NECAB1: variants seen among roughly 807,000 people sequenced by gnomAD.
The protein encoded by NECAB1 is N-terminal EF-hand calcium-binding protein 1.
Under a neutral mutation model 57.5 loss-of-function variants are expected in NECAB1, and 29 were observed. The ratio of observed to expected loss-of-function variants is 0.50; its 90% CI spans 0.38 to 0.69. The LOEUF (loss-of-function observed/expected upper bound fraction) is 0.69, where lower values mean the gene tolerates loss of function less well. Ranked by LOEUF, NECAB1 falls within the 30% of genes least tolerant of loss-of-function variation. The probability of loss-of-function intolerance (pLI) is 0.00; values close to 1 mark genes in which losing one functional copy is unlikely to be tolerated. For synonymous variants in NECAB1, 142 were observed against 147.7 expected (o/e 0.96, Z 0.28); for missense variants, 372 against 413.8 (o/e 0.90, Z 0.88).
At chr8:90,904,847 C>T (rs997429210) in intron 5 of NECAB1, among the ~76,000 whole-genome samples, 1 of 152,044 alleles carries the variant, frequency 6.6e-6, no homozygotes, top group Non-Finnish European at 1.5e-5. Flanking sequence ...AAATACTGGA[C>T]TGTTCAATAA....
At chr8:90,851,661 A>G (rs1332632578) in intron 3 of NECAB1, among the ~76,000 whole-genome samples, 1 of 152,144 alleles carries the variant, frequency 6.6e-6, no homozygotes, top group African/African-American at 2.4e-5. Context: ...AATGGAGTGA[A>G]AGATACAGAG....
intron 3 of NECAB1, among the ~76,000 whole-genome samples, chr8:90,828,463 A>C (rs987245007): frequency 5.3e-5 from 8 of 152,030 alleles, no homozygotes; most frequent in African/African-American, 1.9e-4. Context: ...TGCTCAGTAT[A>C]ATCTCACTCT....
At chr8:90,924,810 T>C (rs190455682) in intron 6 of NECAB1, among the ~76,000 whole-genome samples, 211 of 152,260 alleles carry the variant, frequency 1.4e-3, no homozygotes, top group Non-Finnish European at 2.2e-3. Context: ...TTGTATATCA[T>C]TGGCCTGAGC....
Position 90,866,902 on chromosome 8 carries a change from G to A in NECAB1, c.234-5226G>A, listed in dbSNP as rs112061642. Among the ~76,000 whole-genome samples, 453 of 152,268 alleles carry A rather than the reference G, an allele frequency of 3.0e-3. 3 individuals are homozygous for A. The highest frequency in any genetic ancestry group is 0.014 in the Middle Eastern group (4 of 294). Reference sequence around the variant, plus strand: ...TTTGACCCAGCAATCTGATTACTGGGTATATACCGAAAGGATTGTAAATCA... The same window carrying A: ...TTTGACCCAGCAATCTGATTACTGGATATATACCGAAAGGATTGTAAATCA... On this transcript the variant is annotated intron_variant, in intron 3 of 12. Coordinates refer to ENST00000417640, the MANE Select transcript of NECAB1 (RefSeq NM_022351.5).
chr8:90,885,767 T>C (rs556164147), intron 5 of NECAB1, among the ~76,000 whole-genome samples: 18 of 152,336 alleles, frequency 1.2e-4, no homozygotes, highest in African/African-American at 4.1e-4. Flanking sequence ...GGTTCTATCA[T>C]GACACAAAAC....
intron 2 of NECAB1, among the ~76,000 whole-genome samples, chr8:90,815,192 T>C (rs1812037998): frequency 6.6e-6 from 1 of 152,074 alleles, no homozygotes; most frequent in Non-Finnish European, 1.5e-5. Context: ...TCATAGCCTA[T>C]GGAAAAAAAC....
chr8:90,795,310 C>G (rs1563489212), intron 1 of NECAB1, among the ~76,000 whole-genome samples: 1 of 152,280 alleles, frequency 6.6e-6, no homozygotes, highest in East Asian at 1.9e-4. Context: ...CTTCATCCAC[C>G]CAATGCCACT....
At chr8:90,830,742 C>CT (rs570010599) in intron 3 of NECAB1, among the ~76,000 whole-genome samples, 381 of 152,090 alleles carry the variant, frequency 2.5e-3, no homozygotes, top group African/African-American at 8.7e-3. Flanking sequence ...CAGATGTATG[C>CT]TTTTTTTGAG....
chr8:90,846,759 G>A (rs1359732780), intron 3 of NECAB1, among the ~76,000 whole-genome samples: 1 of 152,192 alleles, frequency 6.6e-6, no homozygotes, highest in Non-Finnish European at 1.5e-5. Flanking sequence ...ACGCAAGAAA[G>A]CATGTGCAGG....
At chr8:90,943,770 G>A (rs935040528) in intron 10 of NECAB1, among the ~76,000 whole-genome samples, 1 of 152,140 alleles carries the variant, frequency 6.6e-6, no homozygotes, top group African/African-American at 2.4e-5. Flanking sequence ...TCTTATTTTT[G>A]AGACAGGATC....
chr8:90,916,062 C>T (rs1329206137), intron 5 of NECAB1, among the ~76,000 whole-genome samples: 1 of 152,178 alleles, frequency 6.6e-6, no homozygotes. Flanking sequence ...CCCTCACAGA[C>T]ACACCCAAGG....
intron 3 of NECAB1, among the ~76,000 whole-genome samples, chr8:90,854,362 CTTG>C (rs1264646228): frequency 2.0e-5 from 3 of 152,128 alleles, no homozygotes; most frequent in African/African-American, 7.2e-5. Context: ...CAGCATTGGG[CTTG>C]TTGGAGCACT....
chr8:90,805,758 A>G (rs1811836675), intron 2 of NECAB1, among the ~76,000 whole-genome samples: 1 of 152,108 alleles, frequency 6.6e-6, no homozygotes, highest in Non-Finnish European at 1.5e-5. Flanking sequence ...TAATTGGGAA[A>G]TAAAGGTCAA....
chr8:90,940,517 G>C, intron 9 of NECAB1: 1 of 343,064 alleles, frequency 2.9e-6, no homozygotes, highest in Non-Finnish European at 5.4e-6. Flanking sequence ...AAAACTTCTC[G>C]AGTCATTGAG....
rs536833907 is a variant in NECAB1, at chr8:90,811,271, A to G, written c.124+9556A>G. Among the ~76,000 whole-genome samples, 9 of 152,280 alleles carry G rather than the reference A, an allele frequency of 5.9e-5. No homozygotes were observed. The South Asian group carries it at 1.9e-3, about 32-fold the overall frequency. On this transcript the variant is annotated intron_variant, in intron 2 of 12. Coordinates refer to ENST00000417640, the MANE Select transcript of NECAB1 (RefSeq NM_022351.5). ...TGGCGAAAATTGATTAATTTTCAAC[A>G]TCAACGTCAACAGCACAACTCTGCT...
chr8:90,844,871 G>A (rs1045024898), intron 3 of NECAB1, among the ~76,000 whole-genome samples: 1 of 152,170 alleles, frequency 6.6e-6, no homozygotes, highest in Non-Finnish European at 1.5e-5. Context: ...TTGAGTCAGA[G>A]TTCTCTAGAG....
intron 1 of NECAB1, among the ~76,000 whole-genome samples, chr8:90,792,452 G>T (rs943745692): frequency 4.6e-5 from 7 of 152,160 alleles, no homozygotes; most frequent in Admixed American, 4.6e-4. Flanking sequence ...GACCCCCTCG[G>T]AAAACAATTA....
chr8:90,923,596 G>T (rs1433566350), intron 6 of NECAB1, among the ~76,000 whole-genome samples: 1 of 152,012 alleles, frequency 6.6e-6, no homozygotes, highest in African/African-American at 2.4e-5. Context: ...TCAACCAAAA[G>T]GACAAATCAA....
At chr8:90,949,178 G>A (rs1272704991) in intron 10 of NECAB1, among the ~76,000 whole-genome samples, 1 of 151,536 alleles carries the variant, frequency 6.6e-6, no homozygotes, top group African/African-American at 2.4e-5. Flanking sequence ...GTGTGTGTGT[G>A]TGTGTGTGTG....
Sources: gnomAD v4.1 joint callset for allele counts (sites outside exome capture counted in the v4.1 genomes callset) on GRCh38, gnomAD v4.1.1 for gene constraint, MANE v1.5 for transcripts, NCBI Gene and HGNC (gene_info 2026-07-23, HGNC 2026-07-21) for gene names.